ZNF775: variants seen among roughly 807,000 people sequenced by gnomAD.
ZNF775 encodes the protein zinc finger protein 775.
A neutral mutation model predicts 2.4 loss-of-function variants in ZNF775; 1 was observed. The ratio of observed to expected loss-of-function variants is 0.41; its 90% CI spans 0.15 to 1.94. The LOEUF (loss-of-function observed/expected upper bound fraction) is 1.94, where lower values mean the gene tolerates loss of function less well. Among genes scored for constraint, ZNF775 ranks in the 30% most tolerant of loss-of-function variants. ZNF775 has a pLI of 0.30. For synonymous variants in ZNF775, 381 were observed against 373.3 expected, an observed-to-expected ratio of 1.02 and a Z score of -0.24; for missense variants, 823 against 826.6, an observed-to-expected ratio of 1.00 and a Z score of 0.05.
Position 150,397,186 on chromosome 7 carries a change from G to C in ZNF775, c.705G>C (p.Arg235=). 1 of 1,212,108 alleles carries C rather than the reference G, an allele frequency of 8.3e-7. No individual in the cohort carries two copies. Among genetic ancestry groups the C allele is most frequent in the Non-Finnish European group, 1.0e-6 (1 of 975,486 alleles). 75.1% of individuals were successfully genotyped at this position (1,212,108 alleles called of 1,614,324 possible). A position where few individuals can be genotyped will look rare whatever the true frequency, so the allele number is the denominator to read the frequency against. ...TGATTCAGGACGCGGCGGCGCGCCGGGCCTGTCGCCTGCAGCCGGGGCCGC... is the reference window on the plus strand; with the variant it reads ...TGATTCAGGACGCGGCGGCGCGCCGCGCCTGTCGCCTGCAGCCGGGGCCGC... ...HELIQDAAAR[R]ACRLQPGPPR... is the part of the protein sequence containing the mutation. The change falls in exon 3 of 3, where the codon CGG becomes CGC. Residue 235 remains arginine (R), a synonymous_variant. Transcript: ENST00000329630.
In ZNF775 at chr7:150,382,354, G is replaced by T. The variant is rs533118651; in HGVS notation, c.-50+2962G>T. ...CCAAACTCAGGGAGCAGGTATTTCC[G>T]TTCACCTGCGCCTTCAAGAACCTGA... On this transcript the variant is annotated intron_variant, in intron 1 of 2. Transcript: ENST00000329630. This position sits in a 1 kb window ranked among gnomAD's most constrained non-coding sequence, Gnocchi z 4.6. 6.6e-6 allele frequency among the ~76,000 whole-genome samples: 1 copy of T among 152,124 alleles called. No homozygotes were observed.
intron 1 of ZNF775, chr7:150,383,706 G>GC (rs1182312101): frequency 6.6e-6 from 1 of 152,366 alleles, no homozygotes; most frequent in Non-Finnish European, 1.5e-5. Context: ...CTGATACTGG[G>GC]CCTTTGGCTG....
Position 150,397,949 on chromosome 7 carries a change from A to G in ZNF775, c.1468A>G (p.Thr490Ala). 6.2e-7 allele frequency: 1 copy of G among 1,600,242 alleles called. No homozygotes were observed. Among genetic ancestry groups the G allele is most frequent in the Non-Finnish European group, 8.5e-7 (1 of 1,178,426 alleles). ...GRRFSQKPNL[T>A]RHRRNHTGER... ...CCGCTTCAGCCAGAAGCCCAACCTGACGCGGCACCGGCGCAACCACACAGG... is the reference window on the plus strand; with the variant it reads ...CCGCTTCAGCCAGAAGCCCAACCTGGCGCGGCACCGGCGCAACCACACAGG... Residue 490 changes from threonine to alanine, a missense_variant, in exon 3 of 3, where the codon ACG (threonine) becomes GCG (alanine). Coordinates refer to ENST00000329630, the MANE Select transcript of ZNF775 (RefSeq NM_173680.4).
At chr7:150,389,816 A>G (rs866455506) in intron 2 of ZNF775, among the ~76,000 whole-genome samples, 1 of 151,956 alleles carries the variant, frequency 6.6e-6, no homozygotes, top group African/African-American at 2.4e-5. Flanking sequence ...CGTTTTTCAG[A>G]CAATTGACAG....
intron 1 of ZNF775, among the ~76,000 whole-genome samples, 176 bp from the exon 2 acceptor site, chr7:150,388,246 C>T (rs1800488902): frequency 6.6e-6 from 1 of 152,128 alleles, no homozygotes; most frequent in South Asian, 2.1e-4. Flanking sequence ...GCTGTTTTAC[C>T]TTCTCAGCAG....
chr7:150,387,844 G>T (rs1800482457), intron 1 of ZNF775, among the ~76,000 whole-genome samples: 1 of 152,138 alleles, frequency 6.6e-6, no homozygotes, highest in Non-Finnish European at 1.5e-5. Flanking sequence ...CAGTGAACTG[G>T]GCATGGGCTC....
At chr7:150,389,140 C>T (rs907166507) in intron 2 of ZNF775, among the ~76,000 whole-genome samples, 1 of 152,236 alleles carries the variant, frequency 6.6e-6, no homozygotes, top group Admixed American at 6.5e-5. Flanking sequence ...GGCGTGTGGC[C>T]CAGCTGCCAG....
intron 2 of ZNF775, among the ~76,000 whole-genome samples, chr7:150,396,268 C>T (rs761578338): frequency 1.4e-4 from 21 of 152,118 alleles, no homozygotes; most frequent in Non-Finnish European, 2.5e-4. Flanking sequence ...TTTTCTCCTT[C>T]ACTCCTTTCT....
rs898923939 is a variant in ZNF775, at chr7:150,382,715, G to C, written c.-50+3323G>C. On this transcript the variant is annotated intron_variant, in intron 1 of 2. Transcript: ENST00000329630. This position sits in a 1 kb window ranked among gnomAD's most constrained non-coding sequence, Gnocchi z 4.6. ...AGGCTCATTGTCTCTAGGGCTTTCT[G>C]TCTTGCTGTAACGTCTCTCCAGCCA... The C allele has an allele frequency of 6.6e-6, 1 of 152,464 alleles. No homozygotes were observed. Among genetic ancestry groups the C allele is most frequent in the Admixed American group, 6.5e-5 (1 of 15,288 alleles). 9.4% of individuals were successfully genotyped at this position (152,464 alleles called of 1,614,324 possible).
At chr7:150,380,432 G>C (rs1424994132) in intron 1 of ZNF775, among the ~76,000 whole-genome samples, 2 of 152,196 alleles carry the variant, frequency 1.3e-5, no homozygotes, top group Non-Finnish European at 2.9e-5. Flanking sequence ...ATTCCATGTA[G>C]ATGGTCCTAG....
chr7:150,386,714 A>G (rs75735566), intron 1 of ZNF775, among the ~76,000 whole-genome samples: 4,001 of 152,252 alleles, frequency 0.026, 117 homozygotes, highest in South Asian at 0.064. Flanking sequence ...TAGGGGGTAC[A>G]GGTGCACGGG....
intron 1 of ZNF775, among the ~76,000 whole-genome samples, chr7:150,383,418 G>A (rs1800397191): frequency 1.3e-5 from 2 of 152,170 alleles, no homozygotes; most frequent in Non-Finnish European, 2.9e-5. Context: ...GCAAGCCCCC[G>A]CTCCCTGGGG....
At position 150,386,586 on chromosome 7, in the gene ZNF775, GTGGCCGAGCC is replaced by G. The variant is rs1686974282; in HGVS notation, c.-49-1835_-49-1826del. On this transcript the variant is annotated intron_variant, in intron 1 of 2. Coordinates refer to ENST00000329630, the MANE Select transcript of ZNF775 (RefSeq NM_173680.4). Reference sequence around the variant, plus strand: ...CCCTGGGGTGGGTGTTTCTGTGGGGGTGGCCGAGCCAGGGTGCCTGGGAGGAGGGGCTGAC... The same window carrying G: ...CCCTGGGGTGGGTGTTTCTGTGGGGGAGGGTGCCTGGGAGGAGGGGCTGAC... 5.9e-5 allele frequency among the ~76,000 whole-genome samples: 9 copies of G among 152,246 alleles called. No individual in the cohort carries two copies. In the South Asian group the frequency reaches 1.9e-3, roughly 32 times the overall value.
chr7:150,387,025 G>A (rs2373693), intron 1 of ZNF775, among the ~76,000 whole-genome samples: 68,299 of 151,976 alleles, frequency 0.45, 15,600 homozygotes, highest in Admixed American at 0.5. Flanking sequence ...GGGCCAGCAC[G>A]GTGGCTCACG....
At position 150,398,020 on chromosome 7, in the gene ZNF775, G is replaced by T; in HGVS notation, c.1539G>T (p.Gln513His). 2 of 1,582,272 alleles carry T rather than the reference G, an allele frequency of 1.3e-6. No homozygotes were observed. Among genetic ancestry groups the T allele is most frequent in the Non-Finnish European group, 1.7e-6 (2 of 1,169,868 alleles). Reference sequence around the variant, plus strand: ...CCGCCTGCGGCCGCGGCTTCAGCCAGAAGCAGCACCTGCTCAAGCACCAGC... The same window carrying T: ...CCGCCTGCGGCCGCGGCTTCAGCCATAAGCAGCACCTGCTCAAGCACCAGC... ...LCPACGRGFS[Q>H]KQHLLKHQRV... Residue 513 changes from glutamine (Q) to histidine (H), a missense_variant, in exon 3 of 3, where the codon CAG becomes CAT. Physicochemically the swap from Gln to His is conservative, Grantham distance 24 (BLOSUM62 0). Transcript: ENST00000329630.
In ZNF775 at chr7:150,397,690, G is replaced by A. The variant is rs1399111354; in HGVS notation, c.1209G>A (p.Gln403=). The A allele has an allele frequency of 1.5e-5, 20 of 1,363,624 alleles. No individual in the cohort carries two copies. Among genetic ancestry groups the A allele is most frequent in the Non-Finnish European group, 1.8e-5 (19 of 1,066,348 alleles). 84.5% of individuals were successfully genotyped at this position (1,363,624 alleles called of 1,614,324 possible). A position where few individuals can be genotyped will look rare whatever the true frequency, so the allele number is the denominator to read the frequency against. The change falls in exon 3 of 3, where the codon CAG becomes CAA. Residue 403 remains glutamine, a synonymous_variant. Transcript: ENST00000329630. The stretch of plus-strand genomic sequence containing the variant: ...TTCCGGCCGGGGAACCGGGCGACCA[G>A]CCGCAGGCCGAGGCCATCCCGGGCT... ...PAVPAGEPGD[Q]PQAEAIPGLA...
Position 150,388,404 on chromosome 7 carries a change from T to C in ZNF775, c.-49-18T>C. 3 of 1,545,872 alleles carry C rather than the reference T, an allele frequency of 1.9e-6. No homozygotes were observed. Among genetic ancestry groups the C allele is most frequent in the Non-Finnish European group, 2.6e-6 (3 of 1,141,814 alleles). ...TCCCACAGGCCCATTCTCTTTCTTC[T>C]GCTTCTCTTTCTGACAGATGGCAGG... is the stretch of plus-strand genomic sequence containing the variant. On this transcript the variant is annotated intron_variant, in intron 1 of 2. Coordinates refer to ENST00000329630, the MANE Select transcript of ZNF775 (RefSeq NM_173680.4).
rs2116480127 is a variant in ZNF775, at chr7:150,397,214, C to T, written c.733C>T (p.Arg245Trp). The change falls in exon 3 of 3, where the codon CGG becomes TGG. Residue 245 changes from arginine (R) to tryptophan (W), a missense_variant. Transcript: ENST00000329630. ...CTGTCGCCTGCAGCCGGGGCCGCCG[C>T]GGGGGCGCCCCGAGTGGGCCTGGCT... ...RACRLQPGPPRGRPEWAWLGL... is the reference protein window; with the variant it reads ...RACRLQPGPPWGRPEWAWLGL... 3 of 1,110,618 alleles carry T rather than the reference C, an allele frequency of 2.7e-6. No individual in the cohort carries two copies. The highest frequency in any genetic ancestry group is 4.2e-5 in the South Asian group (1 of 23,874). 68.8% of individuals were successfully genotyped at this position (1,110,618 alleles called of 1,614,324 possible).
chr7:150,392,012 C>T (rs1016692825), intron 2 of ZNF775, among the ~76,000 whole-genome samples: 37 of 152,204 alleles, frequency 2.4e-4, no homozygotes, highest in Admixed American at 2.4e-3. Flanking sequence ...CTGCACCTGG[C>T]GGAAATTCCC....
Sources: gnomAD v4.1 joint callset for allele counts (sites outside exome capture counted in the v4.1 genomes callset) on GRCh38, gnomAD v4.1.1 for gene constraint, Gnocchi (gnomAD v3.1) non-coding constraint, MANE v1.5 for transcripts, NCBI Gene and HGNC (gene_info 2026-07-23, HGNC 2026-07-21) for gene names.